Variants in NF1 observed in about 807,000 individuals in gnomAD.
NF1 encodes neurofibromin.
NF1 carries 122 observed loss-of-function variants against 325.7 expected under a neutral mutation model. The observed-to-expected ratio is 0.37, with a 90% CI of 0.32 to 0.44. NF1 has a LOEUF of 0.44. Among genes scored for constraint, NF1 ranks in the 20% least tolerant of loss-of-function variants. The pLI is 1.00. For missense variants in NF1, 2,140 were observed against 3,415.4 expected, an observed-to-expected ratio of 0.63 and a Z score of 9.31; for synonymous variants, 1,091 against 1,186.0, an observed-to-expected ratio of 0.92 and a Z score of 1.65.
Position 31,342,401 on chromosome 17 carries a change from C to T in NF1, c.7063-608C>T, listed in dbSNP as rs1307991926. 2.6e-5 allele frequency among the ~76,000 whole-genome samples: 4 copies of T among 152,058 alleles called. No individual in the cohort carries two copies. In the East Asian group the frequency reaches 7.7e-4, roughly 29 times the overall value. On this transcript the variant is annotated intron_variant, in intron 47 of 57. Transcript: ENST00000358273. Reference sequence around the variant, plus strand: ...TCACTTGAGGTTAGGAGTTCGAGACCAGCCTGGCCAACATGGTGACACCCT... The same window carrying T: ...TCACTTGAGGTTAGGAGTTCGAGACTAGCCTGGCCAACATGGTGACACCCT...
At chr17:31,353,886 C>T (rs1262459413) in intron 51 of NF1, among the ~76,000 whole-genome samples, 4 of 152,050 alleles carry the variant, frequency 2.6e-5, no homozygotes, top group South Asian at 2.1e-4. Flanking sequence ...GCCAGTAAAC[C>T]GTGAAAGAAA....
At chr17:31,144,613 C>CCT (rs1351893866) in intron 1 of NF1, among the ~76,000 whole-genome samples, 1 of 152,024 alleles carries the variant, frequency 6.6e-6, no homozygotes, top group Non-Finnish European at 1.5e-5. Context: ...TGTTTCTTGG[C>CCT]CTCTCTCTCC....
chr17:31,376,747 G>T lies in NF1; in HGVS notation c.*2592G>T, dbSNP rs2070736643. 1 of 233,066 alleles carries T rather than the reference G, an allele frequency of 4.3e-6. No individual in the cohort carries two copies. Among genetic ancestry groups the T allele is most frequent in the African/African-American group, 2.2e-5 (1 of 45,342 alleles). The allele number at this position is 233,066 out of a possible 1,614,324, so 14.4% of individuals were successfully genotyped here. On this transcript the variant is annotated 3_prime_UTR_variant, in exon 58 of 58. Coordinates refer to ENST00000358273, the MANE Select transcript of NF1 (RefSeq NM_001042492.3). ...GTTTCGGTTTGTAGATGTTTCCCCT[G>T]ACTTGTTAAAGAGGAAACCAGGAAC...
chr17:31,219,429 G>A (rs2066883862), intron 14 of NF1: 2 of 152,884 alleles, frequency 1.3e-5, no homozygotes, highest in South Asian at 4.1e-4. Context: ...TTTTTAAATT[G>A]AGACATAATT....
At chr17:31,184,644 T>A (rs1369058512) in intron 8 of NF1, among the ~76,000 whole-genome samples, 2 of 132,176 alleles carry the variant, frequency 1.5e-5, no homozygotes, top group East Asian at 2.1e-4. Context: ...CGAGACTCCG[T>A]CTCAAAAAAA....
In NF1 at chr17:31,357,223, C is replaced by T. The variant is rs774691758; in HGVS notation, c.7870-46C>T. ...CTCACCCAAACAGATAACAATTCAGCCACAAAGTAAAAATGTTGTGTGTTT... is the reference window on the plus strand; with the variant it reads ...CTCACCCAAACAGATAACAATTCAGTCACAAAGTAAAAATGTTGTGTGTTT... On this transcript the variant is annotated intron_variant, in intron 53 of 57. Transcript: ENST00000358273. The T allele has an allele frequency of 5.6e-6, 9 of 1,597,420 alleles. No homozygotes were observed. In the Admixed American group the frequency reaches 1.0e-4, roughly 18 times the overall value.
intron 5 of NF1, among the ~76,000 whole-genome samples, chr17:31,172,168 C>T (rs1416583064): frequency 1.3e-5 from 2 of 151,204 alleles, no homozygotes; most frequent in African/African-American, 4.9e-5. Context: ...CCCATATATA[C>T]AAAAAAAAAT....
chr17:31,344,867 G>T lies in NF1; in HGVS notation c.7189+1732G>T, dbSNP rs529599947. Among the ~76,000 whole-genome samples the T allele has an allele frequency of 1.4e-4, 21 of 152,342 alleles. No individual in the cohort carries two copies. The South Asian group carries it at 3.3e-3, about 24-fold the overall frequency. ...GCAGGTGGATTGCTTGAGGCCAAGA[G>T]TTCAAGACCAGCCTGGCCAACATGG... is the stretch of plus-strand genomic sequence containing the variant. On this transcript the variant is annotated intron_variant, in intron 48 of 57. Coordinates refer to ENST00000358273, the MANE Select transcript of NF1 (RefSeq NM_001042492.3).
chr17:31,311,566 C>T lies in NF1; in HGVS notation c.4836-14254C>T, dbSNP rs187594698. Among the ~76,000 whole-genome samples the T allele has an allele frequency of 2.2e-3, 329 of 152,266 alleles. 1 individual carries two copies. The highest frequency in any genetic ancestry group is 7.4e-3 in the African/African-American group (309 of 41,538). On this transcript the variant is annotated intron_variant, in intron 36 of 57. Coordinates refer to ENST00000358273, the MANE Select transcript of NF1 (RefSeq NM_001042492.3). ...AGGAAAAGTGGAAAGAGAAATTGAC[C>T]TTCAACTACAATAGGAAGTATTTGA...
intron 13 of NF1, among the ~76,000 whole-genome samples, chr17:31,215,756 T>C (rs2066809310): frequency 1.3e-5 from 2 of 152,242 alleles, no homozygotes; most frequent in African/African-American, 2.4e-5. Flanking sequence ...AGGTTTCTTA[T>C]CGTTTTGCTC....
intron 31 of NF1, among the ~76,000 whole-genome samples, chr17:31,256,273 G>A (rs76096981): frequency 0.042 from 6,438 of 152,214 alleles, 459 homozygotes; most frequent in African/African-American, 0.15. Context: ...AAGTAGCTGG[G>A]ATTACAGGTG....
chr17:31,140,998 A>G (rs562426960), intron 1 of NF1, among the ~76,000 whole-genome samples: 1 of 152,318 alleles, frequency 6.6e-6, no homozygotes, highest in Non-Finnish European at 1.5e-5. Flanking sequence ...AGATATATAG[A>G]ATGAAGAAGT....
At chr17:31,234,623 A>T (rs12450139) in intron 27 of NF1, among the ~76,000 whole-genome samples, 23,529 of 145,908 alleles carry the variant, frequency 0.16, 2,491 homozygotes, top group East Asian at 0.44. Context: ...GTGAGCCAAG[A>T]TCTCGCCACT....
At chr17:31,149,820 T>C (rs1005971823) in intron 1 of NF1, among the ~76,000 whole-genome samples, 1 of 152,148 alleles carries the variant, frequency 6.6e-6, no homozygotes, top group African/African-American at 2.4e-5. Context: ...GAGGGCACTG[T>C]GGGAAGCTCT....
At chr17:31,233,592 C>T (rs1223904758) in intron 27 of NF1, among the ~76,000 whole-genome samples, 2 of 152,090 alleles carry the variant, frequency 1.3e-5, no homozygotes, top group African/African-American at 4.8e-5. Context: ...CCCATAATGT[C>T]TCATACAGTT....
At chr17:31,287,094 A>AT (rs374425607) in intron 36 of NF1, among the ~76,000 whole-genome samples, 2 of 152,166 alleles carry the variant, frequency 1.3e-5, no homozygotes, top group Non-Finnish European at 2.9e-5. Context: ...CTGCTAAATA[A>AT]TTTTTTTAGG....
At chr17:31,136,346 AAAAG>A (rs1915776122) in intron 1 of NF1, 1 of 152,278 alleles carries the variant, frequency 6.6e-6, no homozygotes, top group African/African-American at 2.4e-5. Flanking sequence ...AAAAAAAAAA[AAAAG>A]GAAAGAAAAT....
chr17:31,367,452 C>T (rs1053548751), intron 57 of NF1, among the ~76,000 whole-genome samples: 3 of 152,086 alleles, frequency 2.0e-5, no homozygotes, highest in Non-Finnish European at 2.9e-5. Flanking sequence ...AGGAATTGCA[C>T]GGCCAGTGTG....
chr17:31,340,336 A>T, intron 46 of NF1, 169 bp from the exon 47 acceptor site: 1 of 749,354 alleles, frequency 1.3e-6, no homozygotes, highest in Non-Finnish European at 2.2e-6. Flanking sequence ...CAGTGTCTTT[A>T]GTTATACATA....
Sources: gnomAD v4.1 joint callset for allele counts (sites outside exome capture counted in the v4.1 genomes callset) on GRCh38, gnomAD v4.1.1 for gene constraint, MANE v1.5 for transcripts, NCBI Gene and HGNC (gene_info 2026-07-23, HGNC 2026-07-21) for gene names.